The following HMCN1 variants were observed in gnomAD, a reference collection of about 807,000 sequenced individuals.
HMCN1 encodes hemicentin 1, also known as hemicentin-1.
Under a neutral mutation model 625.9 loss-of-function variants are expected in HMCN1, and 321 were observed. The ratio of observed to expected loss-of-function variants is 0.51; its 90% CI spans 0.47 to 0.56. The LOEUF (loss-of-function observed/expected upper bound fraction) is 0.56. Among genes scored for constraint, HMCN1 ranks in the 20% least tolerant of loss-of-function variants. The pLI, the probability that HMCN1 is intolerant of heterozygous loss-of-function variation, is 0.00. For missense variants in HMCN1, 6,588 were observed against 6,887.3 expected (o/e 0.96, Z 1.54); for synonymous variants, 2,425 against 2,417.6 (o/e 1.00, Z -0.09).
chr1:186,123,258 C>G (rs1661484440), intron 81 of HMCN1, 38 bp downstream of exon 81: 4 of 1,593,510 alleles, frequency 2.5e-6, no homozygotes, highest in Non-Finnish European at 3.4e-6. Context: ...GTCTGCTGCA[C>G]TACCATGGCA....
At chr1:186,095,167 A>T (rs1660061371) in intron 67 of HMCN1, 76 bp from the exon 68 acceptor site, 3 of 1,383,452 alleles carry the variant, frequency 2.2e-6, no homozygotes, top group South Asian at 2.3e-5. Context: ...TTATAGAATT[A>T]TTCAAATGTT....
intron 68 of HMCN1, 117 bp downstream of exon 68, chr1:186,095,638 T>C (rs1433651337): frequency 1.8e-6 from 2 of 1,088,992 alleles, no homozygotes; most frequent in Admixed American, 5.1e-5. Context: ...AAAAAATTTT[T>C]ATTGCATTTT....
intron 1 of HMCN1, among the ~76,000 whole-genome samples, chr1:185,832,012 A>G (rs79833691): frequency 6.6e-6 from 1 of 151,974 alleles, no homozygotes; most frequent in Non-Finnish European, 1.5e-5. Context: ...AAAGTTGATA[A>G]TGGCCGGGCG....
intron 11 of HMCN1, among the ~76,000 whole-genome samples, chr1:185,937,167 A>G (rs1166375288): frequency 6.6e-6 from 1 of 152,228 alleles, no homozygotes; most frequent in Non-Finnish European, 1.5e-5. Flanking sequence ...TTGTCTTTCA[A>G]AAAGACTTCA....
chr1:185,923,292 T>A, intron 7 of HMCN1, 98 bp from the exon 8 acceptor site: 1 of 950,614 alleles, frequency 1.1e-6, no homozygotes. Context: ...GTAGGCATCC[T>A]TATGGTACTC....
chr1:185,796,001 C>G (rs58610741), intron 1 of HMCN1, among the ~76,000 whole-genome samples: 1 of 152,056 alleles, frequency 6.6e-6, no homozygotes, highest in Non-Finnish European at 1.5e-5. Flanking sequence ...TTTGTTAACA[C>G]GGATATCTTA....
rs920586632 is a variant in HMCN1 at position 186,137,878 on chromosome 1, C to G, written c.13830C>G (p.Thr4610=). 1 of 1,614,040 alleles carries G rather than the reference C, an allele frequency of 6.2e-7. No homozygotes were observed. Among genetic ancestry groups the G allele is most frequent in the Non-Finnish European group, 8.5e-7 (1 of 1,179,972 alleles). The change falls in exon 89 of 107, where the codon ACC becomes ACG. Residue 4610 remains threonine (T), a synonymous_variant. Transcript: ENST00000271588. ...GTGGACGCGGCAACCAAACCAGGAC[C>G]AGGACTTGCAATAATCCATCAGTTC... ...RSCGRGNQTR[T]RTCNNPSVQH... is the part of the protein sequence containing the mutation.
At chr1:186,066,077 T>C (rs900779376) in intron 49 of HMCN1, among the ~76,000 whole-genome samples, 1 of 152,178 alleles carries the variant, frequency 6.6e-6, no homozygotes. Flanking sequence ...AGATAGAAAC[T>C]TCTCATATTG....
chr1:185,999,036 C>G (rs990796187), intron 25 of HMCN1, among the ~76,000 whole-genome samples: 1 of 151,904 alleles, frequency 6.6e-6, no homozygotes, highest in Non-Finnish European at 1.5e-5. Context: ...TAATTTTTTT[C>G]CATAAATATA....
At chr1:186,172,953 T>C (rs1652325402) in intron 102 of HMCN1, among the ~76,000 whole-genome samples, 1 of 152,102 alleles carries the variant, frequency 6.6e-6, no homozygotes. Flanking sequence ...AATGATCACA[T>C]TTAAATATAG....
chr1:186,000,559 A>ATATG (rs1553272397), intron 26 of HMCN1, among the ~76,000 whole-genome samples: 15 of 144,750 alleles, frequency 1.0e-4, no homozygotes, highest in Middle Eastern at 3.5e-3. Flanking sequence ...GTGTGTGTGT[A>ATATG]TGTGTGTGTG....
At chr1:186,076,280 G>A in intron 53 of HMCN1, 148 bp from the exon 54 acceptor site, 1 of 784,666 alleles carries the variant, frequency 1.3e-6, no homozygotes. Context: ...TTTTGGCTAA[G>A]GGCTAGAGTT....
intron 1 of HMCN1, among the ~76,000 whole-genome samples, chr1:185,837,256 C>A (rs1429244672): frequency 6.6e-6 from 1 of 151,794 alleles, no homozygotes; most frequent in East Asian, 1.9e-4. Context: ...TACAAATATT[C>A]CAGGTTTATC....
At position 186,039,486 on chromosome 1, in the gene HMCN1, T is replaced by TA. The variant is rs1459433256; in HGVS notation, c.6029-240dup. On this transcript the variant is annotated intron_variant, in intron 38 of 106. Coordinates refer to ENST00000271588, the MANE Select transcript of HMCN1 (RefSeq NM_031935.3). Reference sequence around the variant, plus strand: ...CTCCGGCATAAAAAACTGATTTTTTTAACAAACTGGCAAAACTTGTTTTTC... The same window carrying TA: ...CTCCGGCATAAAAAACTGATTTTTTTAAACAAACTGGCAAAACTTGTTTTTC... Among the ~76,000 whole-genome samples, 11 of 152,246 alleles carry TA rather than the reference T, an allele frequency of 7.2e-5. No homozygotes were observed. In the East Asian group the frequency reaches 1.9e-3, roughly 27 times the overall value.
chr1:185,962,825 A>T (rs1650125530), intron 12 of HMCN1, among the ~76,000 whole-genome samples, 166 bp downstream of exon 12: 1 of 152,170 alleles, frequency 6.6e-6, no homozygotes, highest in African/African-American at 2.4e-5. Flanking sequence ...AATATAAATG[A>T]TGACTTTATA....
intron 14 of HMCN1, among the ~76,000 whole-genome samples, chr1:185,967,171 C>A (rs1434192468): frequency 1.3e-5 from 2 of 152,012 alleles, no homozygotes; most frequent in Admixed American, 1.3e-4. Flanking sequence ...AATAGTTTAT[C>A]ATGAAAATAA....
intron 1 of HMCN1, among the ~76,000 whole-genome samples, chr1:185,821,174 G>T (rs189154606): frequency 6.6e-6 from 1 of 151,698 alleles, no homozygotes; most frequent in East Asian, 1.9e-4. Context: ...TCTTCATACA[G>T]ATATTATTGT....
intron 42 of HMCN1, among the ~76,000 whole-genome samples, chr1:186,050,799 G>T (rs2102270987): frequency 6.6e-6 from 1 of 152,158 alleles, no homozygotes; most frequent in Admixed American, 6.6e-5. Context: ...CCATCTTCTA[G>T]GCGCTATGCC....
At chr1:186,091,051 C>CAA in intron 64 of HMCN1, 134 bp downstream of exon 64, 1 of 1,039,160 alleles carries the variant, frequency 9.6e-7, no homozygotes, top group Non-Finnish European at 1.4e-6. Context: ...CACAAAGAAA[C>CAA]AAAAAACTTT....
Sources: allele counts gnomAD v4.1 joint callset (sites outside exome capture counted in the v4.1 genomes callset), GRCh38; gene constraint gnomAD v4.1.1; transcripts MANE v1.5; gene names NCBI Gene and HGNC (gene_info 2026-07-23, HGNC 2026-07-21).